The following CALCR variants were observed in gnomAD, a reference collection of about 807,000 sequenced individuals.
CALCR encodes calcitonin receptor.
A neutral mutation model predicts 59.5 loss-of-function variants in CALCR; 47 were observed. The observed-to-expected ratio is 0.79, with a 90% CI of 0.63 to 1.01. The LOEUF (loss-of-function observed/expected upper bound fraction) is 1.01. Among genes scored for constraint, CALCR ranks in the 50% least tolerant of loss-of-function variants. The probability of loss-of-function intolerance (pLI) is 0.00; values close to 1 mark genes in which losing one functional copy is unlikely to be tolerated. For missense variants in CALCR, 566 were observed against 597.1 expected (o/e 0.95, Z 0.54); for synonymous variants, 213 against 211.3 (o/e 1.01, Z -0.07).
intron 2 of CALCR, among the ~76,000 whole-genome samples, chr7:93,520,260 G>T (rs1249651997): frequency 1.3e-5 from 2 of 152,012 alleles, no homozygotes; most frequent in African/African-American, 2.4e-5. Flanking sequence ...CAAAGAGGAA[G>T]TAAATGCCAT....
intron 2 of CALCR, among the ~76,000 whole-genome samples, chr7:93,498,103 T>C (rs1801248746): frequency 6.6e-6 from 1 of 151,652 alleles, no homozygotes; most frequent in African/African-American, 2.4e-5. Context: ...TTATACTTGC[T>C]AATGGGAAAC....
intron 2 of CALCR, among the ~76,000 whole-genome samples, chr7:93,522,722 A>G (rs1801790429): frequency 6.6e-6 from 1 of 152,164 alleles, no homozygotes; most frequent in Admixed American, 6.6e-5. Context: ...CCAGCATGCC[A>G]TCTGTGCTCC....
chr7:93,557,528 G>A (rs1158547724), intron 2 of CALCR, among the ~76,000 whole-genome samples: 3 of 138,532 alleles, frequency 2.2e-5, no homozygotes, highest in Non-Finnish European at 4.9e-5. Context: ...AGTTGATTGT[G>A]AATACTTTTT....
rs1035021526 is a variant in CALCR, at chr7:93,425,625, A to C, written c.*731T>G. The C allele has an allele frequency of 6.6e-6, 1 of 152,294 alleles. No homozygotes were observed. Among genetic ancestry groups the C allele is most frequent in the African/African-American group, 2.4e-5 (1 of 41,452 alleles). 9.4% of individuals were successfully genotyped at this position (152,294 alleles called of 1,614,324 possible). On this transcript the variant is annotated 3_prime_UTR_variant, in exon 14 of 14. Coordinates refer to ENST00000426151, the MANE Select transcript of CALCR (RefSeq NM_001742.4). ...TCTCAGTTTATAAACATCAGCAACC[A>C]AAATACATTCAACATTAAGACCAAT... is the stretch of plus-strand genomic sequence containing the variant.
intron 2 of CALCR, among the ~76,000 whole-genome samples, chr7:93,493,243 G>A (rs1298858080): frequency 6.6e-6 from 1 of 151,222 alleles, no homozygotes; most frequent in Non-Finnish European, 1.5e-5. Flanking sequence ...ATAAAACATG[G>A]AATTCTGATT....
chr7:93,435,936 C>T lies in CALCR; in HGVS notation c.1149+16G>A, dbSNP rs367895150. ...TAAGCACAGTAGTTGAATAAATACA[C>T]CTTTGGCTTCCTTACCTGGAAATGA... On this transcript the variant is annotated intron_variant, in intron 12 of 13. Coordinates refer to ENST00000426151, the MANE Select transcript of CALCR (RefSeq NM_001742.4). 39 of 1,493,262 alleles carry T rather than the reference C, an allele frequency of 2.6e-5. No individual in the cohort carries two copies. Among genetic ancestry groups the T allele is most frequent in the Non-Finnish European group, 3.5e-5 (37 of 1,070,226 alleles). The allele number at this position is 1,493,262 out of a possible 1,614,324, so 92.5% of individuals were successfully genotyped here.
chr7:93,507,806 C>T (rs1470530917), intron 2 of CALCR, among the ~76,000 whole-genome samples: 1 of 151,054 alleles, frequency 6.6e-6, no homozygotes, highest in Non-Finnish European at 1.5e-5. Flanking sequence ...GCCTGTAGTC[C>T]CAGCTACTTG....
At chr7:93,530,044 C>T (rs1788791602) in intron 2 of CALCR, among the ~76,000 whole-genome samples, 1 of 151,924 alleles carries the variant, frequency 6.6e-6, no homozygotes, top group Non-Finnish European at 1.5e-5. Flanking sequence ...CCAAATTGAA[C>T]AAAGATATAC....
intron 2 of CALCR, among the ~76,000 whole-genome samples, chr7:93,497,426 A>G (rs1801231939): frequency 6.6e-6 from 1 of 151,554 alleles, no homozygotes; most frequent in Non-Finnish European, 1.5e-5. Flanking sequence ...ATGTTCTTTG[A>G]TTTAGTTCTT....
chr7:93,560,997 AT>A (rs548090328), intron 2 of CALCR, among the ~76,000 whole-genome samples: 22 of 152,238 alleles, frequency 1.4e-4, no homozygotes, highest in Admixed American at 1.1e-3. Context: ...CCATGACCAA[AT>A]TTTTTCCTAC....
rs1206207942 is a variant in CALCR at position 93,567,661 on chromosome 7, A to T, written c.-27+6628T>A. Among the ~76,000 whole-genome samples, 4 of 152,010 alleles carry T rather than the reference A, an allele frequency of 2.6e-5. No homozygotes were observed. The East Asian group carries it at 7.7e-4, about 29-fold the overall frequency. ...GGTTTGCTGCACTCATCAACTCGTC[A>T]TTTACATTAGGTATTTCTTCTGATG... On this transcript the variant is annotated intron_variant, in intron 2 of 13. Coordinates refer to ENST00000426151, the MANE Select transcript of CALCR (RefSeq NM_001742.4).
intron 5 of CALCR, 94 bp from the exon 6 acceptor site, chr7:93,472,581 T>C (rs888715879): frequency 6.9e-6 from 5 of 727,182 alleles, no homozygotes; most frequent in Non-Finnish European, 1.2e-5. Flanking sequence ...TCCAACATAT[T>C]AATCACTTTA....
chr7:93,524,933 A>G (rs928987495), intron 2 of CALCR, among the ~76,000 whole-genome samples: 1 of 152,202 alleles, frequency 6.6e-6, no homozygotes, highest in Admixed American at 6.5e-5. Flanking sequence ...CATTTTTAAA[A>G]ATAAAGGGCT....
At chr7:93,506,631 C>T (rs967289855) in intron 2 of CALCR, among the ~76,000 whole-genome samples, 3 of 151,492 alleles carry the variant, frequency 2.0e-5, no homozygotes, top group African/African-American at 4.9e-5. Flanking sequence ...TTTGGTCAAA[C>T]AGTTGTTGAT....
chr7:93,492,853 A>T (rs1801114758), intron 2 of CALCR, among the ~76,000 whole-genome samples: 1 of 151,414 alleles, frequency 6.6e-6, no homozygotes, highest in South Asian at 2.1e-4. Context: ...TAGGGTTTTG[A>T]AAAGCAAAGA....
chr7:93,443,137 T>A (rs1394613946), intron 9 of CALCR, among the ~76,000 whole-genome samples: 1 of 152,114 alleles, frequency 6.6e-6, no homozygotes, highest in African/African-American at 2.4e-5. Context: ...TGGACTCCAC[T>A]TCCTGAGCTT....
At chr7:93,435,250 A>G (rs1799746735) in intron 12 of CALCR, among the ~76,000 whole-genome samples, 1 of 152,146 alleles carries the variant, frequency 6.6e-6, no homozygotes, top group African/African-American at 2.4e-5. Flanking sequence ...CATTCACCTG[A>G]CAAATGGAGA....
intron 2 of CALCR, among the ~76,000 whole-genome samples, chr7:93,558,431 T>C (rs138645905): frequency 6.6e-6 from 1 of 152,194 alleles, no homozygotes; most frequent in Non-Finnish European, 1.5e-5. Flanking sequence ...AGAAAAAATA[T>C]TTCCTGGAAC....
intron 2 of CALCR, among the ~76,000 whole-genome samples, chr7:93,565,209 C>G (rs966682000): frequency 5.9e-5 from 9 of 152,186 alleles, no homozygotes; most frequent in African/African-American, 2.2e-4. Context: ...CTATTACCTC[C>G]TGGTTGGAAA....
Sources: gnomAD v4.1 joint callset for allele counts (sites outside exome capture counted in the v4.1 genomes callset) on GRCh38, gnomAD v4.1.1 for gene constraint, MANE v1.5 for transcripts, NCBI Gene and HGNC (gene_info 2026-07-23, HGNC 2026-07-21) for gene names.